Variants in RSU1 observed in about 807,000 individuals in gnomAD.
The protein encoded by RSU1 is Ras suppressor protein 1, also known as rsu-1.
RSU1 carries 26 observed loss-of-function variants against 31.1 expected under a neutral mutation model. The observed-to-expected ratio is 0.84, with a 90% CI of 0.61 to 1.16. The LOEUF is 1.16. Among genes scored for constraint, RSU1 ranks in the 50% most tolerant of loss-of-function variants. RSU1 has a pLI of 0.00. For missense variants in RSU1, 320 were observed against 339.1 expected (o/e 0.94, Z 0.44); for synonymous variants, 164 against 136.3 (o/e 1.20, Z -1.41).
intron 8 of RSU1, among the ~76,000 whole-genome samples, chr10:16,692,374 T>C (rs960136128): frequency 6.6e-6 from 1 of 152,174 alleles, no homozygotes; most frequent in African/African-American, 2.4e-5. Context: ...TAAAAGCACT[T>C]TCATATGCAA....
rs562847270 is a variant in RSU1, at chr10:16,778,067, C to G, written c.160+3967G>C. Among the ~76,000 whole-genome samples the G allele has an allele frequency of 4.2e-5, 6 of 141,784 alleles. No homozygotes were observed. In the South Asian group the frequency reaches 1.3e-3, roughly 31 times the overall value. 93.0% of individuals were successfully genotyped at this position (141,784 alleles called of 152,430 possible). ...ATAGGGTCTTGCCCTGTCACCCAGG[C>G]TGGAGTGCAGTAGTACAATCACAGC... On this transcript the variant is annotated intron_variant, in intron 3 of 8. Coordinates refer to ENST00000345264, the MANE Select transcript of RSU1 (RefSeq NM_012425.4).
intron 8 of RSU1, among the ~76,000 whole-genome samples, chr10:16,633,135 G>T (rs1199592797): frequency 1.3e-5 from 2 of 152,096 alleles, no homozygotes; most frequent in African/African-American, 4.8e-5. Context: ...TTACCCACTG[G>T]ATATCAATAG....
intron 7 of RSU1, among the ~76,000 whole-genome samples, chr10:16,740,988 G>A (rs1371593682): frequency 2.0e-5 from 3 of 152,090 alleles, no homozygotes; most frequent in Non-Finnish European, 2.9e-5. Context: ...GAAACTCACA[G>A]GCCTCAAAAT....
intron 2 of RSU1, among the ~76,000 whole-genome samples, chr10:16,802,261 G>T (rs1017877067): frequency 4.0e-5 from 6 of 151,038 alleles, no homozygotes; most frequent in Non-Finnish European, 7.4e-5. Flanking sequence ...TGATTTCATG[G>T]ATGTTAAAGG....
At chr10:16,799,278 TAAG>T (rs1172684411) in intron 2 of RSU1, among the ~76,000 whole-genome samples, 1 of 152,170 alleles carries the variant, frequency 6.6e-6, no homozygotes, top group African/African-American at 2.4e-5. Flanking sequence ...ATACTCACAG[TAAG>T]AAGAAAGCTG....
chr10:16,615,923 G>A (rs1320073665), intron 8 of RSU1, among the ~76,000 whole-genome samples: 2 of 152,124 alleles, frequency 1.3e-5, no homozygotes, highest in Non-Finnish European at 2.9e-5. Context: ...CAGTAAGCTG[G>A]AAAGATCTGA....
chr10:16,644,112 G>T lies in RSU1; in HGVS notation c.732-50616C>A, dbSNP rs557717094. 2.6e-5 allele frequency among the ~76,000 whole-genome samples: 4 copies of T among 151,646 alleles called. No individual in the cohort carries two copies. In the East Asian group the frequency reaches 5.8e-4, roughly 22 times the overall value. ...AAGGTGGGCAGAGGGTGGTGGGGGG[G>T]GGTCCTAGAACCAATCCCCTATGGT... On this transcript the variant is annotated intron_variant, in intron 8 of 8. Transcript: ENST00000345264.
At chr10:16,752,280 G>T (rs544758048) in intron 7 of RSU1, among the ~76,000 whole-genome samples, 2 of 152,154 alleles carry the variant, frequency 1.3e-5, no homozygotes, top group Non-Finnish European at 2.9e-5. Flanking sequence ...ACTACATCAC[G>T]CAGGGAGCTG....
chr10:16,771,286 G>A (rs1693160221), intron 3 of RSU1, among the ~76,000 whole-genome samples: 2 of 152,148 alleles, frequency 1.3e-5, no homozygotes, highest in Non-Finnish European at 2.9e-5. Flanking sequence ...AGCATTTGAT[G>A]AATATGATAG....
At chr10:16,696,027 G>A (rs1332296581) in intron 7 of RSU1, among the ~76,000 whole-genome samples, 1 of 152,008 alleles carries the variant, frequency 6.6e-6, no homozygotes, top group African/African-American at 2.4e-5. Flanking sequence ...ATTCAAAAAT[G>A]GAAAAGGCAA....
At chr10:16,646,440 G>T (rs375086832) in intron 8 of RSU1, among the ~76,000 whole-genome samples, 5 of 152,054 alleles carry the variant, frequency 3.3e-5, no homozygotes, top group Admixed American at 2.6e-4. Flanking sequence ...GTTTACAGAT[G>T]AACCATCACC....
At chr10:16,734,741 AAAGT>A (rs1224345759) in intron 7 of RSU1, among the ~76,000 whole-genome samples, 2 of 152,226 alleles carry the variant, frequency 1.3e-5, no homozygotes, top group African/African-American at 4.8e-5. Context: ...TCAGCAGCAA[AAAGT>A]AAGAAACATG....
At chr10:16,733,166 C>A (rs1303568539) in intron 7 of RSU1, among the ~76,000 whole-genome samples, 1 of 151,758 alleles carries the variant, frequency 6.6e-6, no homozygotes, top group Admixed American at 6.6e-5. Flanking sequence ...ATTTAAGGCA[C>A]TGAAATGCAA....
chr10:16,694,245 G>T (rs542284508), intron 8 of RSU1, among the ~76,000 whole-genome samples: 25 of 152,246 alleles, frequency 1.6e-4, no homozygotes, highest in African/African-American at 6.0e-4. Flanking sequence ...GGCAGATTCC[G>T]CTTCCTCTCC....
intron 8 of RSU1, among the ~76,000 whole-genome samples, chr10:16,692,967 T>C (rs1269467709): frequency 6.6e-6 from 1 of 152,166 alleles, no homozygotes; most frequent in African/African-American, 2.4e-5. Flanking sequence ...CCATTGTTCT[T>C]TTTTCTTTTT....
At chr10:16,781,355 C>A (rs993401303) in intron 3 of RSU1, among the ~76,000 whole-genome samples, 41 of 152,106 alleles carry the variant, frequency 2.7e-4, no homozygotes, top group African/African-American at 9.4e-4. Flanking sequence ...GGATACCCAG[C>A]AGAATTTTTC....
At chr10:16,803,557 C>T (rs1838203216) in intron 2 of RSU1, among the ~76,000 whole-genome samples, 1 of 152,144 alleles carries the variant, frequency 6.6e-6, no homozygotes, top group South Asian at 2.1e-4. Flanking sequence ...ACAGTTGGAG[C>T]ACTGACACTG....
At chr10:16,770,956 T>G (rs2131637184) in intron 3 of RSU1, among the ~76,000 whole-genome samples, 1 of 114,552 alleles carries the variant, frequency 8.7e-6, no homozygotes, top group East Asian at 2.3e-4. Flanking sequence ...ATATTGCTAT[T>G]TAAAAAAAAA....
At chr10:16,799,224 G>A (rs1194985082) in intron 2 of RSU1, among the ~76,000 whole-genome samples, 1 of 152,068 alleles carries the variant, frequency 6.6e-6, no homozygotes, top group Admixed American at 6.6e-5. Context: ...GAGATGTATC[G>A]GGTTTCTGGT....
Sources: allele counts gnomAD v4.1 joint callset (sites outside exome capture counted in the v4.1 genomes callset), GRCh38; gene constraint gnomAD v4.1.1; transcripts MANE v1.5; gene names NCBI Gene and HGNC (gene_info 2026-07-23, HGNC 2026-07-21).